RIMS2: variants seen among roughly 807,000 people sequenced by gnomAD.
RIMS2 encodes the protein regulating synaptic membrane exocytosis protein 2.
In RIMS2, 59 loss-of-function variants were observed where a neutral mutation model predicts 174.4. The ratio of observed to expected loss-of-function variants is 0.34; its 90% CI spans 0.27 to 0.42. The LOEUF is 0.42. Ranked by LOEUF, RIMS2 falls within the 10% of genes least tolerant of loss-of-function variation. The probability of loss-of-function intolerance (pLI) is 1.00; values close to 1 mark genes in which losing one functional copy is unlikely to be tolerated. For missense variants in RIMS2, 1,620 were observed against 1,666.3 expected (o/e 0.97, Z 0.48); for synonymous variants, 606 against 572.5 (o/e 1.06, Z -0.84).
intron 14 of RIMS2, among the ~76,000 whole-genome samples, chr8:103,957,956 A>G (rs1438468156): frequency 2.0e-5 from 3 of 152,174 alleles, no homozygotes; most frequent in Non-Finnish European, 4.4e-5. Flanking sequence ...TGTTGGTGGG[A>G]GTGTAAATTA....
In RIMS2 at chr8:104,099,718, T is replaced by A. The variant is rs186912255; in HGVS notation, c.3334+85103T>A. Among the ~76,000 whole-genome samples, 9 of 152,318 alleles carry A rather than the reference T, an allele frequency of 5.9e-5. No individual in the cohort carries two copies. In the East Asian group the frequency reaches 1.7e-3, roughly 29 times the overall value. ...TTCAGGATTGTTGCCATTTTAAGAA[T>A]ATTAAGTCTTCTAATCCATGAGCAC... On this transcript the variant is annotated intron_variant, in intron 19 of 23. Coordinates refer to ENST00000504942, the Ensembl canonical transcript of RIMS2.
intron 14 of RIMS2, among the ~76,000 whole-genome samples, chr8:103,950,411 T>A (rs1030815091): frequency 6.6e-6 from 1 of 151,982 alleles, no homozygotes; most frequent in African/African-American, 2.4e-5. Context: ...GAAAATTGAA[T>A]CCACAATACA....
chr8:104,092,865 C>G (rs1009814427), intron 19 of RIMS2, among the ~76,000 whole-genome samples: 2 of 151,898 alleles, frequency 1.3e-5, no homozygotes, highest in Admixed American at 1.3e-4. Flanking sequence ...TATTTGAACA[C>G]CCAAGAATAC....
chr8:103,705,095 A>C (rs1379462607), intron 2 of RIMS2, among the ~76,000 whole-genome samples: 2 of 151,942 alleles, frequency 1.3e-5, no homozygotes, highest in African/African-American at 4.8e-5. Context: ...TTATTGATGT[A>C]AACTTCCCTC....
intron 2 of RIMS2, among the ~76,000 whole-genome samples, chr8:103,738,930 G>A (rs2097722999): frequency 6.6e-6 from 1 of 152,224 alleles, no homozygotes; most frequent in South Asian, 2.1e-4. Context: ...CACTGTTGGT[G>A]GGACTGTAAA....
At chr8:103,731,344 A>G (rs971822829) in intron 2 of RIMS2, among the ~76,000 whole-genome samples, 1 of 152,032 alleles carries the variant, frequency 6.6e-6, no homozygotes, top group Admixed American at 6.6e-5. Context: ...GCTGCATTCT[A>G]TATTGTTTTT....
At chr8:104,239,056 G>T (rs1478357890) in intron 19 of RIMS2, among the ~76,000 whole-genome samples, 1 of 152,156 alleles carries the variant, frequency 6.6e-6, no homozygotes, top group African/African-American at 2.4e-5. Flanking sequence ...GAGCAACCAG[G>T]AATGGGTTAT....
At chr8:103,951,332 T>C (rs1202181730) in intron 14 of RIMS2, among the ~76,000 whole-genome samples, 1 of 152,190 alleles carries the variant, frequency 6.6e-6, no homozygotes, top group East Asian at 1.9e-4. Context: ...GATGACCGAA[T>C]AGGAACACCT....
At chr8:104,131,844 A>G (rs1397874601) in intron 19 of RIMS2, among the ~76,000 whole-genome samples, 1 of 152,202 alleles carries the variant, frequency 6.6e-6, no homozygotes, top group Non-Finnish European at 1.5e-5. Context: ...AAATACCTTT[A>G]TGTAAACTGG....
At chr8:104,141,669 C>T (rs1372154164) in intron 19 of RIMS2, among the ~76,000 whole-genome samples, 3 of 152,200 alleles carry the variant, frequency 2.0e-5, no homozygotes, top group Admixed American at 6.5e-5. Flanking sequence ...CTACAATGCT[C>T]ACCTTCACTT....
intron 10 of RIMS2, among the ~76,000 whole-genome samples, chr8:103,923,689 T>G (rs2078167872): frequency 6.6e-6 from 1 of 151,786 alleles, no homozygotes. Flanking sequence ...ATATTAGTAG[T>G]AAAACTTTTA....
At chr8:103,936,316 G>A (rs1272062306) in intron 12 of RIMS2, among the ~76,000 whole-genome samples, 3 of 151,880 alleles carry the variant, frequency 2.0e-5, no homozygotes, top group African/African-American at 4.8e-5. Flanking sequence ...AATATGTCAT[G>A]GAAAAAATTT....
At chr8:103,588,044 C>A (rs1168304566) in intron 1 of RIMS2, among the ~76,000 whole-genome samples, 4 of 151,852 alleles carry the variant, frequency 2.6e-5, no homozygotes, top group Admixed American at 2.6e-4. Context: ...AACTAATAAA[C>A]AAATTCAGTA....
At chr8:103,805,844 T>A (rs540018267) in intron 3 of RIMS2, among the ~76,000 whole-genome samples, 7 of 152,136 alleles carry the variant, frequency 4.6e-5, no homozygotes, top group Non-Finnish European at 8.8e-5. Flanking sequence ...CTTCCTTTCC[T>A]CTGCCTCAGA....
At chr8:103,507,125 C>A in intron 1 of RIMS2, among the ~76,000 whole-genome samples, 1 of 152,082 alleles carries the variant, frequency 6.6e-6, no homozygotes. Flanking sequence ...GCTTAGAATG[C>A]TGATCTTCAC....
At chr8:104,059,931 T>A (rs1331924358) in intron 19 of RIMS2, among the ~76,000 whole-genome samples, 1 of 152,142 alleles carries the variant, frequency 6.6e-6, no homozygotes, top group Non-Finnish European at 1.5e-5. Context: ...CACTTGGTCA[T>A]GGTGGATAAG....
intron 1 of RIMS2, among the ~76,000 whole-genome samples, chr8:103,654,675 G>A (rs1016288257): frequency 6.6e-6 from 1 of 151,626 alleles, no homozygotes; most frequent in Non-Finnish European, 1.5e-5. Context: ...CTCTCTATTC[G>A]GATTTATAAG....
At chr8:104,216,798 A>G (rs1305196773) in intron 19 of RIMS2, among the ~76,000 whole-genome samples, 1 of 152,292 alleles carries the variant, frequency 6.6e-6, no homozygotes, top group East Asian at 1.9e-4. Flanking sequence ...TTCTATCTGT[A>G]TTTGTTCACT....
At chr8:103,620,317 G>C (rs1212244766) in intron 1 of RIMS2, among the ~76,000 whole-genome samples, 1 of 151,820 alleles carries the variant, frequency 6.6e-6, no homozygotes, top group Non-Finnish European at 1.5e-5. Context: ...TTTTTTCTAA[G>C]TTAAACATAT....
Sources: allele counts gnomAD v4.1 joint callset (sites outside exome capture counted in the v4.1 genomes callset), GRCh38; gene constraint gnomAD v4.1.1; transcripts MANE v1.5; gene names NCBI Gene and HGNC (gene_info 2026-07-23, HGNC 2026-07-21).